CAMK1D: variants seen among roughly 807,000 people sequenced by gnomAD.
CAMK1D encodes calcium/calmodulin dependent protein kinase ID, also known as calcium/calmodulin-dependent protein kinase type 1D.
CAMK1D carries 9 observed loss-of-function variants against 47.7 expected under a neutral mutation model. The observed-to-expected ratio is 0.19, with a 90% CI of 0.11 to 0.33. The LOEUF (loss-of-function observed/expected upper bound fraction) is 0.33, where lower values mean the gene tolerates loss of function less well. Among genes scored for constraint, CAMK1D ranks in the 10% least tolerant of loss-of-function variants. CAMK1D has a pLI of 1.00. For synonymous variants in CAMK1D, 184 were observed against 184.9 expected (o/e 0.99, Z 0.04); for missense variants, 291 against 488.7 (o/e 0.60, Z 3.81).
At chr10:12,623,388 C>CCTCCCTCCCTCT (rs1453553037) in intron 2 of CAMK1D, among the ~76,000 whole-genome samples, 7 of 2,664 alleles carry the variant, frequency 2.6e-3, no homozygotes, top group Non-Finnish European at 7.0e-3. Flanking sequence ...TTCCCTCCTT[C>CCTCCCTCCCTCT]CTCCCTCCCT....
intron 1 of CAMK1D, among the ~76,000 whole-genome samples, chr10:12,545,645 C>CA (rs1836342955): frequency 6.6e-6 from 1 of 151,098 alleles, no homozygotes; most frequent in South Asian, 2.1e-4. Context: ...ACTAAAAATA[C>CA]AAAAATTAGC....
chr10:12,620,364 G>A (rs1167604635), intron 2 of CAMK1D, among the ~76,000 whole-genome samples: 1 of 152,204 alleles, frequency 6.6e-6, no homozygotes, highest in Admixed American at 6.5e-5. Flanking sequence ...CCGTGTAGCT[G>A]TGTCACTTTA....
At chr10:12,407,811 GA>G (rs1234198517) in intron 1 of CAMK1D, among the ~76,000 whole-genome samples, 3 of 148,908 alleles carry the variant, frequency 2.0e-5, no homozygotes, top group African/African-American at 7.4e-5. Flanking sequence ...TGGGAAAAAT[GA>G]AAACAAATTC....
intron 3 of CAMK1D, among the ~76,000 whole-genome samples, chr10:12,686,541 C>T (rs778976476): frequency 6.6e-6 from 1 of 152,122 alleles, no homozygotes; most frequent in Non-Finnish European, 1.5e-5. Flanking sequence ...TCGGGCTGGT[C>T]TGGAACTCCT....
At chr10:12,365,729 C>G (rs553534352) in intron 1 of CAMK1D, among the ~76,000 whole-genome samples, 1 of 152,160 alleles carries the variant, frequency 6.6e-6, no homozygotes, top group Admixed American at 6.5e-5. Flanking sequence ...TAAGCCACCA[C>G]GCCCGGCCTA....
intron 1 of CAMK1D, among the ~76,000 whole-genome samples, chr10:12,385,494 G>T (rs1205787886): frequency 6.6e-6 from 1 of 152,164 alleles, no homozygotes; most frequent in Non-Finnish European, 1.5e-5. Context: ...AAAGAAGCCG[G>T]TCACAAGAAA....
rs1554794319 is a variant in CAMK1D, at chr10:12,595,342, G to GAGAA, written c.224+41987_224+41988insGAAA. On this transcript the variant is annotated intron_variant, in intron 2 of 10. Transcript: ENST00000619168. ...GGGCAACAAGAGTGAAACTCCATCT[G>GAGAA]AAAAAAAAAAAAAAAAAAAAAAGGA... 1.3e-4 allele frequency among the ~76,000 whole-genome samples: 3 copies of GAGAA among 23,564 alleles called. 1 individual carries two copies. Among genetic ancestry groups the GAGAA allele is most frequent in the African/African-American group, 5.4e-4 (3 of 5,542 alleles). 15.5% of individuals were successfully genotyped at this position (23,564 alleles called of 152,430 possible). A position where few individuals can be genotyped will look rare whatever the true frequency, so the allele number is the denominator to read the frequency against.
At chr10:12,362,174 G>A (rs1489101299) in intron 1 of CAMK1D, among the ~76,000 whole-genome samples, 1 of 152,012 alleles carries the variant, frequency 6.6e-6, no homozygotes, top group South Asian at 2.1e-4. Flanking sequence ...TCCAACCATC[G>A]CCACCATCCA....
intron 3 of CAMK1D, among the ~76,000 whole-genome samples, chr10:12,742,887 C>T (rs560097727): frequency 1.1e-3 from 169 of 152,250 alleles, no homozygotes; most frequent in African/African-American, 3.7e-3. Flanking sequence ...GAGGAGAGCC[C>T]GCGTCAGAGA....
chr10:12,759,666 A>C (rs1045495168), intron 3 of CAMK1D, among the ~76,000 whole-genome samples: 1 of 152,234 alleles, frequency 6.6e-6, no homozygotes, highest in African/African-American at 2.4e-5. Context: ...TTTCTTACCT[A>C]GATTGTCAGT....
At chr10:12,710,406 T>C (rs1304426223) in intron 3 of CAMK1D, among the ~76,000 whole-genome samples, 1 of 152,190 alleles carries the variant, frequency 6.6e-6, no homozygotes, top group East Asian at 1.9e-4. Context: ...ATCTATTATA[T>C]GCTAGAAATG....
chr10:12,357,106 C>T (rs17151559), intron 1 of CAMK1D, among the ~76,000 whole-genome samples: 3,201 of 152,210 alleles, frequency 0.021, 108 homozygotes, highest in African/African-American at 0.074. Context: ...ATGGGTCCAG[C>T]GGAGATTTGT....
At chr10:12,618,272 A>ATG (rs1286296975) in intron 2 of CAMK1D, among the ~76,000 whole-genome samples, 1 of 151,864 alleles carries the variant, frequency 6.6e-6, no homozygotes, top group Non-Finnish European at 1.5e-5. Context: ...TGTGGTGTGC[A>ATG]TGTGTGTGTG....
chr10:12,708,286 C>T (rs906410336), intron 3 of CAMK1D, among the ~76,000 whole-genome samples: 12 of 150,950 alleles, frequency 7.9e-5, no homozygotes, highest in Admixed American at 5.3e-4. Context: ...GTCCCAGTGG[C>T]GACTGATACG....
intron 3 of CAMK1D, among the ~76,000 whole-genome samples, chr10:12,720,520 T>G (rs956265426): frequency 6.6e-6 from 1 of 152,192 alleles, no homozygotes; most frequent in Non-Finnish European, 1.5e-5. Flanking sequence ...ACCCACTCAT[T>G]GCTTAAGGGT....
intron 1 of CAMK1D, among the ~76,000 whole-genome samples, chr10:12,428,826 A>G (rs772578712): frequency 6.6e-6 from 1 of 152,116 alleles, no homozygotes; most frequent in Non-Finnish European, 1.5e-5. Flanking sequence ...CCTGAATGAG[A>G]TTAATGTCCT....
At chr10:12,369,020 T>C (rs1387442308) in intron 1 of CAMK1D, among the ~76,000 whole-genome samples, 1 of 152,126 alleles carries the variant, frequency 6.6e-6, no homozygotes, top group Non-Finnish European at 1.5e-5. Context: ...TTTCACTATG[T>C]TGACCAGAAT....
rs151137787 is a variant in CAMK1D, at chr10:12,472,264, C to T, written c.93-80961C>T. On this transcript the variant is annotated intron_variant, in intron 1 of 10. Transcript: ENST00000619168. ...TGTGTTTTCATGTCTAAACTTATCA[C>T]GAGCATGTATAGGTTAGGCCTGGTG... is the stretch of plus-strand genomic sequence containing the variant. Among the ~76,000 whole-genome samples, 211 of 152,162 alleles carry T rather than the reference C, an allele frequency of 1.4e-3. 1 individual carries two copies. The highest frequency in any genetic ancestry group is 4.8e-3 in the African/African-American group (200 of 41,508).
intron 1 of CAMK1D, among the ~76,000 whole-genome samples, chr10:12,474,641 A>C (rs999271740): frequency 2.6e-5 from 4 of 152,108 alleles, no homozygotes; most frequent in African/African-American, 4.8e-5. Flanking sequence ...CAGGTTTGTT[A>C]TATAGGTAAA....
Sources: gnomAD v4.1 joint callset for allele counts (sites outside exome capture counted in the v4.1 genomes callset) on GRCh38, gnomAD v4.1.1 for gene constraint, MANE v1.5 for transcripts, NCBI Gene and HGNC (gene_info 2026-07-23, HGNC 2026-07-21) for gene names.